ZDHHC14: variants seen among roughly 807,000 people sequenced by gnomAD.
The protein encoded by ZDHHC14 is palmitoyltransferase ZDHHC14.
In ZDHHC14, 16 loss-of-function variants were observed where a neutral mutation model predicts 47.7. The observed-to-expected ratio is 0.34, with a 90% CI of 0.23 to 0.51. The LOEUF is 0.51. Among genes scored for constraint, ZDHHC14 ranks in the 20% least tolerant of loss-of-function variants. The pLI, the probability that ZDHHC14 is intolerant of heterozygous loss-of-function variation, is 0.97. For missense variants in ZDHHC14, 515 were observed against 662.5 expected (o/e 0.78, Z 2.44); for synonymous variants, 293 against 278.9 (o/e 1.05, Z -0.50).
chr6:157,429,404 G>A (rs1388187028), intron 1 of ZDHHC14, among the ~76,000 whole-genome samples: 1 of 152,160 alleles, frequency 6.6e-6, no homozygotes, highest in African/African-American at 2.4e-5. Flanking sequence ...TGTGGTTAAT[G>A]GTCCAAAAAC....
At chr6:157,670,755 T>C (rs1778761247) in intron 8 of ZDHHC14, among the ~76,000 whole-genome samples, 1 of 152,158 alleles carries the variant, frequency 6.6e-6, no homozygotes, top group South Asian at 2.1e-4. Context: ...GCAAGGATCT[T>C]CGTGAGACTT....
intron 4 of ZDHHC14, chr6:157,631,919 A>T (rs190351571): frequency 1.3e-5 from 2 of 152,198 alleles, no homozygotes; most frequent in South Asian, 2.1e-4. Flanking sequence ...ACTGTGTCCC[A>T]CTACTCAGAC....
intron 1 of ZDHHC14, among the ~76,000 whole-genome samples, chr6:157,399,291 G>A (rs1777583597): frequency 6.6e-6 from 1 of 152,108 alleles, no homozygotes; most frequent in Admixed American, 6.5e-5. Context: ...TTAGAGATAC[G>A]ATACCTGTAA....
Position 157,542,426 on chromosome 6 carries a change from C to T in ZDHHC14, c.246-159C>T, listed in dbSNP as rs149538646. Among the ~76,000 whole-genome samples, 425 of 152,332 alleles carry T rather than the reference C, an allele frequency of 2.8e-3. 3 individuals are homozygous for T. The highest frequency in any genetic ancestry group is 9.3e-3 in the African/African-American group (385 of 41,578). On this transcript the variant is annotated intron_variant, in intron 1 of 8. Coordinates refer to ENST00000359775, the MANE Select transcript of ZDHHC14 (RefSeq NM_024630.3). ...AGACAGAACTGCAGACCTCCCCAAA[C>T]GTAAATCTTTCACATAGATGAATTT...
chr6:157,396,901 G>T (rs1777533475), intron 1 of ZDHHC14, among the ~76,000 whole-genome samples: 1 of 152,186 alleles, frequency 6.6e-6, no homozygotes, highest in Admixed American at 6.5e-5. Context: ...CCTTTATTGA[G>T]CTGGGAAACT....
chr6:157,447,255 G>A (rs1778694616), intron 1 of ZDHHC14, among the ~76,000 whole-genome samples: 1 of 152,272 alleles, frequency 6.6e-6, no homozygotes, highest in Non-Finnish European at 1.5e-5. Flanking sequence ...CCTGTTCTGG[G>A]CTTGGAGGGC....
intron 1 of ZDHHC14, among the ~76,000 whole-genome samples, chr6:157,425,786 T>A (rs1481631956): frequency 6.6e-6 from 1 of 152,112 alleles, no homozygotes; most frequent in Non-Finnish European, 1.5e-5. Context: ...AGATGCTGCA[T>A]TTTGCTGCCT....
chr6:157,504,322 T>C (rs1268373863), intron 1 of ZDHHC14, among the ~76,000 whole-genome samples: 1 of 128,652 alleles, frequency 7.8e-6, no homozygotes, highest in African/African-American at 2.9e-5. Flanking sequence ...CGGCTAATTT[T>C]TTGTATTTTT....
chr6:157,562,638 C>T (rs535146300), intron 2 of ZDHHC14, among the ~76,000 whole-genome samples: 6 of 152,310 alleles, frequency 3.9e-5, no homozygotes, highest in Admixed American at 3.9e-4. Context: ...GCAGCTCATT[C>T]GCAGGCAGGT....
chr6:157,539,495 G>A (rs761073535), intron 1 of ZDHHC14, among the ~76,000 whole-genome samples: 1 of 152,196 alleles, frequency 6.6e-6, no homozygotes, highest in Non-Finnish European at 1.5e-5. Flanking sequence ...TCTGAGAGGA[G>A]GGACTGGAAG....
intron 3 of ZDHHC14, among the ~76,000 whole-genome samples, chr6:157,627,940 A>T (rs1785504602): frequency 6.6e-6 from 1 of 152,208 alleles, no homozygotes; most frequent in African/African-American, 2.4e-5. Flanking sequence ...AATGCAGGTC[A>T]CTTGATCGAC....
chr6:157,545,622 C>T (rs80070111), intron 2 of ZDHHC14, among the ~76,000 whole-genome samples: 11 of 151,266 alleles, frequency 7.3e-5, no homozygotes, highest in African/African-American at 2.4e-4. Context: ...AGCTTGCAGC[C>T]GAGATCACGC....
intron 2 of ZDHHC14, among the ~76,000 whole-genome samples, chr6:157,555,455 A>C (rs905920): frequency 0.61 from 92,013 of 152,010 alleles, 29,236 homozygotes; most frequent in African/African-American, 0.82. Context: ...CTTTTCAAAC[A>C]TTTACGTGGC....
In ZDHHC14 at chr6:157,470,369, G is replaced by A. The variant is rs555355232; in HGVS notation, c.246-72216G>A. Among the ~76,000 whole-genome samples the A allele has an allele frequency of 4.6e-5, 7 of 152,324 alleles. No homozygotes were observed. The South Asian group carries it at 8.3e-4, about 18-fold the overall frequency. ...CTCCCAAAATGCTGGGATTATAGGC[G>A]TGAGCCACCGCTCCTGAGATTAAGT... On this transcript the variant is annotated intron_variant, in intron 1 of 8. Coordinates refer to ENST00000359775, the MANE Select transcript of ZDHHC14 (RefSeq NM_024630.3).
chr6:157,402,053 C>T (rs182905876), intron 1 of ZDHHC14, among the ~76,000 whole-genome samples: 7 of 139,096 alleles, frequency 5.0e-5, no homozygotes, highest in Admixed American at 5.0e-4. Context: ...GCTGAAGTCA[C>T]AGCAAGTGAG....
At chr6:157,655,833 CTG>C (rs1449599549) in intron 8 of ZDHHC14, among the ~76,000 whole-genome samples, 8 of 152,312 alleles carry the variant, frequency 5.3e-5, no homozygotes, top group Non-Finnish European at 7.4e-5. Flanking sequence ...TCTTCTTACC[CTG>C]TGACCCCCAT....
intron 1 of ZDHHC14, among the ~76,000 whole-genome samples, chr6:157,459,133 T>G (rs1398680303): frequency 6.6e-6 from 1 of 152,174 alleles, no homozygotes; most frequent in Non-Finnish European, 1.5e-5. Context: ...CTTAACTGTT[T>G]ACCAGAGTAG....
rs1159731654 is a variant in ZDHHC14, at chr6:157,575,477, C to T, written c.407-17511C>T. On this transcript the variant is annotated intron_variant, in intron 2 of 8. Transcript: ENST00000359775. ...CCTTCCTCCTCTCTCAGATCTCCCG[C>T]TTACACTGTGCTCTGGTCACACAGC... Among the ~76,000 whole-genome samples the T allele has an allele frequency of 2.6e-5, 4 of 152,148 alleles. No homozygotes were observed. The South Asian group carries it at 8.3e-4, about 32-fold the overall frequency.
chr6:157,669,792 GCT>G (rs1285305759), intron 8 of ZDHHC14, among the ~76,000 whole-genome samples: 1 of 152,248 alleles, frequency 6.6e-6, no homozygotes. Context: ...TGCCAGCTGA[GCT>G]CTCTGAAGCG....
Sources: gnomAD v4.1 joint callset for allele counts (sites outside exome capture counted in the v4.1 genomes callset) on GRCh38, gnomAD v4.1.1 for gene constraint, MANE v1.5 for transcripts, NCBI Gene and HGNC (gene_info 2026-07-23, HGNC 2026-07-21) for gene names.